LHPP: variants seen among roughly 807,000 people sequenced by gnomAD.
The protein encoded by LHPP is phospholysine phosphohistidine inorganic pyrophosphate phosphatase, also known as hLHPP.
In LHPP, 24 loss-of-function variants were observed where a neutral mutation model predicts 30.3. That is an observed-to-expected ratio of 0.79 (90% confidence interval 0.57 to 1.11). LHPP has a LOEUF of 1.11. LHPP is among the 50% of genes most tolerant of loss of function. LHPP has a pLI of 0.00. For missense variants in LHPP, 356 were observed against 367.2 expected, an observed-to-expected ratio of 0.97 and a Z score of 0.25; for synonymous variants, 150 against 157.1, an observed-to-expected ratio of 0.95 and a Z score of 0.34.
chr10:124,594,627 ACTT>A (rs1307670781), intron 6 of LHPP, among the ~76,000 whole-genome samples: 2 of 125,916 alleles, frequency 1.6e-5, no homozygotes, highest in African/African-American at 5.5e-5. Context: ...AATTCAGTAA[ACTT>A]TTTTTTTTTT....
intron 5 of LHPP, 43 bp downstream of exon 5, chr10:124,498,171 G>T (rs368363840): frequency 1.2e-4 from 184 of 1,575,648 alleles, no homozygotes; most frequent in Non-Finnish European, 1.5e-4. Context: ...AGGCAGCCCC[G>T]TCAGGGAGGC....
intron 6 of LHPP, among the ~76,000 whole-genome samples, chr10:124,551,260 T>C (rs568005876): frequency 1.3e-5 from 2 of 152,050 alleles, no homozygotes; most frequent in African/African-American, 2.4e-5. Context: ...AGAGGCCCGA[T>C]CCCATCCCGC....
At chr10:124,486,097 T>G (rs1236348545) in intron 2 of LHPP, among the ~76,000 whole-genome samples, 2 of 152,212 alleles carry the variant, frequency 1.3e-5, no homozygotes, top group Non-Finnish European at 2.9e-5. Context: ...TGTTTACGGT[T>G]TTTCCTGTTT....
chr10:124,571,265 G>A (rs1252521849), intron 6 of LHPP, among the ~76,000 whole-genome samples: 2 of 152,244 alleles, frequency 1.3e-5, no homozygotes, highest in Admixed American at 1.3e-4. Context: ...TAGTGGTGCT[G>A]TGAACACTAA....
intron 6 of LHPP, among the ~76,000 whole-genome samples, chr10:124,609,096 C>T (rs1248730750): frequency 2.0e-5 from 3 of 152,316 alleles, no homozygotes; most frequent in African/African-American, 4.8e-5. Context: ...CTGTAGGGGC[C>T]GAATCGTTAC....
At chr10:124,579,800 G>A (rs7098058) in intron 6 of LHPP, among the ~76,000 whole-genome samples, 24,665 of 152,114 alleles carry the variant, frequency 0.16, 2,096 homozygotes, top group East Asian at 0.23. Context: ...AGAAGAGCTC[G>A]CTGGAGCAAA....
At chr10:124,580,224 T>C (rs1221831468) in intron 6 of LHPP, among the ~76,000 whole-genome samples, 1 of 152,266 alleles carries the variant, frequency 6.6e-6, no homozygotes, top group African/African-American at 2.4e-5. Context: ...CTTTCCACTT[T>C]GTTTATGGCC....
chr10:124,526,782 AT>A (rs1474163083), intron 6 of LHPP, among the ~76,000 whole-genome samples: 1 of 152,200 alleles, frequency 6.6e-6, no homozygotes, highest in Non-Finnish European at 1.5e-5. Flanking sequence ...CAGAAGTCCC[AT>A]CGTTGCTGCC....
intron 6 of LHPP, among the ~76,000 whole-genome samples, chr10:124,567,066 CTGAGGAGAGGGG>C (rs1423593903): frequency 6.6e-6 from 1 of 152,174 alleles, no homozygotes; most frequent in Non-Finnish European, 1.5e-5. Flanking sequence ...TCCAGGTGGC[CTGAGGAGAGGGG>C]TGCAGGCCAG....
chr10:124,545,464 C>A (rs898156636), intron 6 of LHPP, among the ~76,000 whole-genome samples: 1 of 152,252 alleles, frequency 6.6e-6, no homozygotes, highest in Admixed American at 6.5e-5. Context: ...TGCACCCAGG[C>A]AGGAAGCTGC....
At chr10:124,579,961 T>C (rs554130142) in intron 6 of LHPP, among the ~76,000 whole-genome samples, 1 of 152,356 alleles carries the variant, frequency 6.6e-6, no homozygotes, top group South Asian at 2.1e-4. Context: ...AAACTTCTTC[T>C]CTTAAGACTA....
At chr10:124,480,099 C>G (rs1167718727) in intron 1 of LHPP, among the ~76,000 whole-genome samples, 3 of 152,168 alleles carry the variant, frequency 2.0e-5, no homozygotes, top group Non-Finnish European at 4.4e-5. Flanking sequence ...TAATATTTTA[C>G]TCTTTAAACA....
chr10:124,525,309 C>A (rs1564809567), intron 6 of LHPP, among the ~76,000 whole-genome samples: 1 of 152,206 alleles, frequency 6.6e-6, no homozygotes, highest in East Asian at 1.9e-4. Flanking sequence ...GTCTCCTGGA[C>A]ACATGGGCGT....
At chr10:124,515,108 C>T (rs1391216256) in intron 5 of LHPP, among the ~76,000 whole-genome samples, 1 of 152,226 alleles carries the variant, frequency 6.6e-6, no homozygotes, top group African/African-American at 2.4e-5. Flanking sequence ...CAGCTCATCT[C>T]ACTTTGAGGA....
Position 124,484,282 on chromosome 10 carries a change from T to C in LHPP, c.269T>C (p.Ile90Thr). ...GCCCCGGCACCAGCTGCCTGCCAGATCCTGAAGGAGCAAGGCCTGCGACCA... is the reference window on the plus strand; with the variant it reads ...GCCCCGGCACCAGCTGCCTGCCAGACCCTGAAGGAGCAAGGCCTGCGACCA... The part of the protein sequence containing the change: ...VTAPAPAACQ[I>T]LKEQGLRPYL... The change falls in exon 2 of 7, where the codon ATC (isoleucine) becomes ACC (threonine). Residue 90 changes from isoleucine to threonine, a missense_variant. Ile to Thr is a moderately conservative substitution (Grantham distance 89, BLOSUM62 -1). Coordinates refer to ENST00000368842, the MANE Select transcript of LHPP (RefSeq NM_022126.4). 1 of 1,613,970 alleles carries C rather than the reference T, an allele frequency of 6.2e-7. No homozygotes were observed. Among genetic ancestry groups the C allele is most frequent in the South Asian group, 1.1e-5 (1 of 91,070 alleles).
At chr10:124,530,528 GCACACA>G (rs5788671) in intron 6 of LHPP, among the ~76,000 whole-genome samples, 1 of 87,702 alleles carries the variant, frequency 1.1e-5, no homozygotes, top group Non-Finnish European at 2.3e-5. Context: ...CATAGTGCAT[GCACACA>G]CACACACACA....
At chr10:124,573,821 C>T (rs1253754212) in intron 6 of LHPP, among the ~76,000 whole-genome samples, 1 of 152,158 alleles carries the variant, frequency 6.6e-6, no homozygotes, top group African/African-American at 2.4e-5. Flanking sequence ...AGTCTCTTTG[C>T]AGCCAAGGAA....
Position 124,517,683 on chromosome 10 carries a change from C to A in LHPP, c.716+412C>A, listed in dbSNP as rs1045496632. ...CTCCCTCTCCTTTTGTTCACTTTCT[C>A]CACTCTGTAAGACACAGAGAGCCTG... On this transcript the variant is annotated intron_variant, in intron 6 of 6. Transcript: ENST00000368842. The surrounding 1 kb of genome is among the most constrained non-coding windows in gnomAD (Gnocchi z 4.1). Among the ~76,000 whole-genome samples the A allele has an allele frequency of 6.6e-6, 1 of 152,216 alleles. No homozygotes were observed. Among genetic ancestry groups the A allele is most frequent in the Admixed American group, 6.5e-5 (1 of 15,280 alleles).
intron 6 of LHPP, among the ~76,000 whole-genome samples, chr10:124,574,278 G>T (rs1044473135): frequency 1.3e-5 from 2 of 152,238 alleles, no homozygotes; most frequent in East Asian, 1.9e-4. Context: ...AGGGGCACAG[G>T]TTTGCTGGGG....
Sources: gnomAD v4.1 joint callset for allele counts (sites outside exome capture counted in the v4.1 genomes callset) on GRCh38, gnomAD v4.1.1 for gene constraint, Gnocchi (gnomAD v3.1) non-coding constraint, MANE v1.5 for transcripts, NCBI Gene and HGNC (gene_info 2026-07-23, HGNC 2026-07-21) for gene names.